The following AGO3 variants were observed in gnomAD, a reference collection of about 807,000 sequenced individuals.
AGO3 encodes argonaute RISC catalytic component 3, also known as protein argonaute-3.
A neutral mutation model predicts 105.5 loss-of-function variants in AGO3; 16 were observed. That is an observed-to-expected ratio of 0.15 (90% CI 0.10 to 0.23). The LOEUF is 0.23. AGO3 is among the 10% of genes least tolerant of loss of function. AGO3 has a pLI of 1.00. For synonymous variants in AGO3, 340 were observed against 367.3 expected (o/e 0.93, Z 0.85); for missense variants, 534 against 1,088.0 (o/e 0.49, Z 7.16).
intron 14 of AGO3, 102 bp downstream of exon 14, chr1:36,036,369 C>A: frequency 8.9e-7 from 1 of 1,118,268 alleles, no homozygotes; most frequent in Non-Finnish European, 1.3e-6. Context: ...AGCCAACTTT[C>A]ATAAATGTTC....
In AGO3 at chr1:35,973,503, A is replaced by T. The variant is rs765172603; in HGVS notation, c.650A>T (p.Asn217Ile). 1.1e-5 allele frequency: 18 copies of T among 1,578,412 alleles called. No individual in the cohort carries two copies. Among genetic ancestry groups the T allele is most frequent in the Non-Finnish European group, 2.6e-6 (3 of 1,158,104 alleles). Residue 217 changes from asparagine (N) to isoleucine (I), a missense_variant, in exon 5 of 19, where the codon AAT (asparagine) becomes ATT (isoleucine). This residue lies in a region of AGO3 where 373 missense variants were observed against 854.0 expected (regional missense o/e 0.44). Coordinates refer to ENST00000373191, the MANE Select transcript of AGO3 (RefSeq NM_024852.4). The part of the protein sequence containing the change: ...VRPAMWKMML[N>I]IDVSATAFYK... The stretch of plus-strand genomic sequence containing the variant: ...CCTGCCATGTGGAAAATGATGCTTA[A>T]TATCGATGGTAAGGGAACTAAAGCC...
chr1:35,971,027 T>G (rs867907532), intron 3 of AGO3, among the ~76,000 whole-genome samples: 7 of 138,190 alleles, frequency 5.1e-5, no homozygotes, highest in Non-Finnish European at 7.6e-5. Flanking sequence ...ATACCCAGCC[T>G]AAATATATAT....
chr1:36,057,318 A>G lies in AGO3; in HGVS notation c.*1573A>G, dbSNP rs1159845332. 1 of 151,694 alleles carries G rather than the reference A, an allele frequency of 6.6e-6. No individual in the cohort carries two copies. Among genetic ancestry groups the G allele is most frequent in the Non-Finnish European group, 1.5e-5 (1 of 67,960 alleles). The allele number at this position is 151,694 out of a possible 1,614,324, so 9.4% of individuals were successfully genotyped here. ...TTTACTTGCTGCCTCTCATACCTTAATGTGATTTTCATATATTTTTTATAT... is the reference window on the plus strand; with the variant it reads ...TTTACTTGCTGCCTCTCATACCTTAGTGTGATTTTCATATATTTTTTATAT... On this transcript the variant is annotated 3_prime_UTR_variant, in exon 19 of 19. Coordinates refer to ENST00000373191, the MANE Select transcript of AGO3 (RefSeq NM_024852.4).
chr1:35,935,165 C>G lies in AGO3; in HGVS notation c.19+3720C>G, dbSNP rs377738016. 9.2e-5 allele frequency among the ~76,000 whole-genome samples: 14 copies of G among 152,092 alleles called. No individual in the cohort carries two copies. In the East Asian group the frequency reaches 2.1e-3, roughly 23 times the overall value. On this transcript the variant is annotated intron_variant, in intron 1 of 18. Coordinates refer to ENST00000373191, the MANE Select transcript of AGO3 (RefSeq NM_024852.4). The stretch of plus-strand genomic sequence containing the variant: ...TGGCAGTGGGACTTATAAAAATGTG[C>G]AAGATTGTTTTGATATTTGGTTTAG...
At position 36,055,762 on chromosome 1, in the gene AGO3, C is replaced by A. The variant is rs770324621; in HGVS notation, c.*17C>A. 6.2e-7 allele frequency: 1 copy of A among 1,608,792 alleles called. No individual in the cohort carries two copies. Among genetic ancestry groups the A allele is most frequent in the Non-Finnish European group, 8.5e-7 (1 of 1,175,436 alleles). Reference sequence around the variant, plus strand: ...TTCGCTTAAATAGTCCAAGTATATTCTCTGAGAGGAAGTACTGAAAGATGA... The same window carrying A: ...TTCGCTTAAATAGTCCAAGTATATTATCTGAGAGGAAGTACTGAAAGATGA... On this transcript the variant is annotated 3_prime_UTR_variant, in exon 19 of 19. Transcript: ENST00000373191. The surrounding 1 kb of genome is among the most constrained non-coding windows in gnomAD (Gnocchi z 4.4).
intron 2 of AGO3, among the ~76,000 whole-genome samples, chr1:35,953,181 C>T (rs562051746): frequency 1.3e-5 from 2 of 152,096 alleles, no homozygotes; most frequent in African/African-American, 4.8e-5. Flanking sequence ...GTAATCCCAA[C>T]ACTTTGGGAT....
intron 5 of AGO3, among the ~76,000 whole-genome samples, chr1:35,977,379 A>G (rs1320985621): frequency 1.4e-5 from 2 of 146,342 alleles, no homozygotes; most frequent in South Asian, 2.2e-4. Flanking sequence ...AGTAGTTTCT[A>G]TCGTTATTAT....
Position 36,054,632 on chromosome 1 carries a change from G to C in AGO3, c.2275-314G>C, listed in dbSNP as rs181200191. 1.1e-3 allele frequency among the ~76,000 whole-genome samples: 162 copies of C among 152,278 alleles called. 1 individual carries two copies. The highest frequency in any genetic ancestry group is 3.7e-3 in the African/African-American group (154 of 41,556). On this transcript the variant is annotated intron_variant, in intron 17 of 18. Coordinates refer to ENST00000373191, the MANE Select transcript of AGO3 (RefSeq NM_024852.4). ...ACAGTAGCTCACGCCTGTAATTCCA[G>C]CACTTTGGGAGGCTGAGGCAGGCAG...
chr1:35,979,477 A>C (rs1406832479), intron 5 of AGO3, among the ~76,000 whole-genome samples: 1 of 132,404 alleles, frequency 7.6e-6, no homozygotes, highest in Non-Finnish European at 1.6e-5. Context: ...AAAATAAGAT[A>C]TATTCATATA....
At chr1:35,963,971 C>T (rs776191941) in intron 2 of AGO3, among the ~76,000 whole-genome samples, 24 of 141,314 alleles carry the variant, frequency 1.7e-4, no homozygotes, top group African/African-American at 2.9e-4. Flanking sequence ...ATTGGAAGTT[C>T]CAGCATTTCA....
intron 1 of AGO3, among the ~76,000 whole-genome samples, chr1:35,938,602 A>T (rs1316605552): frequency 6.6e-6 from 1 of 152,114 alleles, no homozygotes; most frequent in East Asian, 1.9e-4. Flanking sequence ...CTGTATATTG[A>T]TCAGTCTCAT....
chr1:35,946,579 A>G (rs1245672626), intron 2 of AGO3, among the ~76,000 whole-genome samples: 1 of 152,230 alleles, frequency 6.6e-6, no homozygotes, highest in Non-Finnish European at 1.5e-5. Context: ...CTTCTTATTC[A>G]TTAAATGTTA....
chr1:35,971,927 TGCCA>T, intron 3 of AGO3, 93 bp from the exon 4 acceptor site: 1 of 1,170,978 alleles, frequency 8.5e-7, no homozygotes. Flanking sequence ...ACTTTATTTT[TGCCA>T]TGTTTTCTCT....
At chr1:35,981,067 G>A (rs1031261564) in intron 5 of AGO3, among the ~76,000 whole-genome samples, 4 of 152,026 alleles carry the variant, frequency 2.6e-5, no homozygotes, top group African/African-American at 9.7e-5. Context: ...GTTGCTCCTT[G>A]AGTTTCTAAA....
At chr1:35,967,218 C>A in intron 3 of AGO3, 143 bp downstream of exon 3, 2 of 1,202,384 alleles carry the variant, frequency 1.7e-6, no homozygotes, top group Non-Finnish European at 2.2e-6. Context: ...GAAATAATTT[C>A]AAACTTAAAG....
At chr1:35,964,050 A>G (rs1646729191) in intron 2 of AGO3, among the ~76,000 whole-genome samples, 1 of 151,918 alleles carries the variant, frequency 6.6e-6, no homozygotes, top group South Asian at 2.1e-4. Context: ...AAAGCAGGAT[A>G]TATATATATA....
At chr1:36,044,390 T>C (rs1326674366) in intron 17 of AGO3, among the ~76,000 whole-genome samples, 1 of 151,820 alleles carries the variant, frequency 6.6e-6, no homozygotes, top group Non-Finnish European at 1.5e-5. Context: ...CAGCTTTAGT[T>C]TTTTTTTGTT....
chr1:35,968,365 A>G (rs1470470048), intron 3 of AGO3, among the ~76,000 whole-genome samples: 2 of 152,188 alleles, frequency 1.3e-5, no homozygotes, highest in Non-Finnish European at 2.9e-5. Context: ...TATAATTATT[A>G]CCACCTTCCA....
intron 3 of AGO3, 41 bp downstream of exon 3, chr1:35,967,116 AGT>A (rs763762708): frequency 6.3e-7 from 1 of 1,586,738 alleles, no homozygotes; most frequent in East Asian, 2.2e-5. Context: ...ATATTTTTGA[AGT>A]GTCTCCTTTT....
Sources: gnomAD v4.1 joint callset for allele counts (sites outside exome capture counted in the v4.1 genomes callset) on GRCh38, gnomAD v4.1.1 for gene constraint, gnomAD v4.1.1 regional missense constraint, Gnocchi (gnomAD v3.1) non-coding constraint, MANE v1.5 for transcripts, NCBI Gene and HGNC (gene_info 2026-07-23, HGNC 2026-07-21) for gene names.